Variants in WWOX observed in about 807,000 individuals in gnomAD.
WWOX encodes the protein WW domain containing oxidoreductase.
Under a neutral mutation model 46.2 loss-of-function variants are expected in WWOX, and 69 were observed. The observed-to-expected ratio is 1.49, with a 90% CI of 1.23 to 1.82. The LOEUF is 1.82. Among genes scored for constraint, WWOX ranks in the 40% most tolerant of loss-of-function variants. The probability of loss-of-function intolerance (pLI) is 0.00; values close to 1 mark genes in which losing one functional copy is unlikely to be tolerated. For synonymous variants in WWOX, 359 were observed against 202.6 expected (o/e 1.77, Z -6.56); for missense variants, 919 against 542.6 (o/e 1.69, Z -6.89).
At chr16:78,469,552 T>G (rs1251470302) in intron 8 of WWOX, among the ~76,000 whole-genome samples, 1 of 152,124 alleles carries the variant, frequency 6.6e-6, no homozygotes, top group African/African-American at 2.4e-5. Context: ...TGTCATGGGG[T>G]GTGCAGAAGG....
chr16:78,253,702 A>G (rs1455207904), intron 5 of WWOX, among the ~76,000 whole-genome samples: 2 of 152,244 alleles, frequency 1.3e-5, no homozygotes, highest in Admixed American at 1.3e-4. Context: ...ATTTAACTTT[A>G]CTAACATAAA....
intron 8 of WWOX, among the ~76,000 whole-genome samples, chr16:78,768,436 A>T (rs1311559074): frequency 6.6e-6 from 1 of 152,066 alleles, no homozygotes; most frequent in African/African-American, 2.4e-5. Flanking sequence ...CTAAAAATAC[A>T]ACAATTAGCC....
chr16:78,943,425 A>T (rs1200911045), intron 8 of WWOX, among the ~76,000 whole-genome samples: 2 of 152,120 alleles, frequency 1.3e-5, no homozygotes, highest in Non-Finnish European at 2.9e-5. Flanking sequence ...ACCCATCCAG[A>T]CCTGGAGAAC....
chr16:78,570,210 G>C (rs1348453645), intron 8 of WWOX, among the ~76,000 whole-genome samples: 2 of 152,160 alleles, frequency 1.3e-5, no homozygotes, highest in Non-Finnish European at 2.9e-5. Flanking sequence ...TGGAAATAAA[G>C]AATGCTAGAC....
chr16:78,827,913 C>T (rs537911909), intron 8 of WWOX, among the ~76,000 whole-genome samples: 4 of 152,290 alleles, frequency 2.6e-5, no homozygotes, highest in African/African-American at 9.6e-5. Flanking sequence ...CCAGGCACTG[C>T]ACCTCCTCAT....
chr16:78,136,779 A>G (rs2033805350), intron 4 of WWOX, among the ~76,000 whole-genome samples: 1 of 152,200 alleles, frequency 6.6e-6, no homozygotes, highest in South Asian at 2.1e-4. Flanking sequence ...GAAGACCAAA[A>G]CATCACCTGA....
At chr16:78,553,806 C>T (rs575226592) in intron 8 of WWOX, among the ~76,000 whole-genome samples, 1 of 151,892 alleles carries the variant, frequency 6.6e-6, no homozygotes, top group African/African-American at 2.4e-5. Flanking sequence ...CCTGCAGACC[C>T]CCCTGGTGGC....
At chr16:78,398,535 G>A (rs1054811864) in intron 6 of WWOX, among the ~76,000 whole-genome samples, 14 of 152,200 alleles carry the variant, frequency 9.2e-5, no homozygotes, top group South Asian at 2.1e-4. Context: ...GGGCACCACA[G>A]TTGATGAGTT....
chr16:78,950,407 C>T (rs1995547), intron 8 of WWOX, among the ~76,000 whole-genome samples: 25 of 151,984 alleles, frequency 1.6e-4, no homozygotes, highest in Non-Finnish European at 2.9e-4. Flanking sequence ...GAGGAAGGGG[C>T]TTTTTTGCCT....
chr16:79,155,129 G>A (rs1283747348), intron 8 of WWOX, among the ~76,000 whole-genome samples: 1 of 152,228 alleles, frequency 6.6e-6, no homozygotes, highest in African/African-American at 2.4e-5. Context: ...TGTAATCCCA[G>A]CACTTTGGGA....
intron 8 of WWOX, among the ~76,000 whole-genome samples, chr16:78,981,313 A>G (rs1051979188): frequency 1.3e-5 from 2 of 152,168 alleles, no homozygotes; most frequent in African/African-American, 4.8e-5. Context: ...GGAATAACCA[A>G]AAATGCTGGG....
rs139026136 is a variant in WWOX, at chr16:78,204,327, T to C, written c.516+40038T>C. Among the ~76,000 whole-genome samples, 331 of 152,314 alleles carry C rather than the reference T, an allele frequency of 2.2e-3. 1 individual carries two copies. In the Middle Eastern group the frequency reaches 0.031, roughly 14 times the overall value. ...TATTTGTGGGGTACATCCGATGTTTTGATACAGGCATGCAATGTGAAATAA... is the reference window on the plus strand; with the variant it reads ...TATTTGTGGGGTACATCCGATGTTTCGATACAGGCATGCAATGTGAAATAA... On this transcript the variant is annotated intron_variant, in intron 5 of 8. Coordinates refer to ENST00000566780, the MANE Select transcript of WWOX (RefSeq NM_016373.4).
At chr16:78,885,781 G>A (rs73579390) in intron 8 of WWOX, among the ~76,000 whole-genome samples, 12,940 of 151,998 alleles carry the variant, frequency 0.085, 1,335 homozygotes, top group African/African-American at 0.24. Flanking sequence ...CCTAATAGAA[G>A]GATCGGATTC....
chr16:78,983,645 C>G (rs1419946088), intron 8 of WWOX, among the ~76,000 whole-genome samples: 1 of 152,108 alleles, frequency 6.6e-6, no homozygotes, highest in East Asian at 1.9e-4. Context: ...CTTGTGACTT[C>G]CAGCCAATGG....
At chr16:78,494,185 C>G (rs1256393891) in intron 8 of WWOX, among the ~76,000 whole-genome samples, 1 of 152,142 alleles carries the variant, frequency 6.6e-6, no homozygotes, top group Non-Finnish European at 1.5e-5. Context: ...ACAAACAGAT[C>G]TCAGGAGAAC....
chr16:78,362,863 G>T (rs570552349), intron 5 of WWOX, among the ~76,000 whole-genome samples: 41 of 152,310 alleles, frequency 2.7e-4, no homozygotes, highest in African/African-American at 9.1e-4. Flanking sequence ...GATGAGGGAA[G>T]TGAGTTTCCG....
At chr16:78,800,600 G>A (rs980983828) in intron 8 of WWOX, among the ~76,000 whole-genome samples, 3 of 152,182 alleles carry the variant, frequency 2.0e-5, no homozygotes, top group African/African-American at 4.8e-5. Context: ...TTTGCCATTC[G>A]CTTCCTTTGC....
intron 8 of WWOX, among the ~76,000 whole-genome samples, chr16:78,597,687 T>G (rs927495723): frequency 6.6e-6 from 1 of 151,922 alleles, no homozygotes; most frequent in South Asian, 2.1e-4. Context: ...GGTGCCTCAG[T>G]GATCTTCTAT....
intron 8 of WWOX, among the ~76,000 whole-genome samples, chr16:78,920,680 C>T (rs1184532128): frequency 6.6e-6 from 1 of 152,140 alleles, no homozygotes; most frequent in African/African-American, 2.4e-5. Flanking sequence ...CTTTGTCTTT[C>T]AGAGAAAGTA....
Sources: allele counts gnomAD v4.1 joint callset (sites outside exome capture counted in the v4.1 genomes callset), GRCh38; gene constraint gnomAD v4.1.1; transcripts MANE v1.5; gene names NCBI Gene and HGNC (gene_info 2026-07-23, HGNC 2026-07-21).